Variants in LMBR1 observed in about 807,000 individuals in gnomAD.
LMBR1 encodes the protein limb development membrane protein 1.
In LMBR1, 52 loss-of-function variants were observed where a neutral mutation model predicts 73.9. The ratio of observed to expected loss-of-function variants is 0.70; its 90% confidence interval spans 0.56 to 0.89. LMBR1 has a LOEUF of 0.89. Ranked by LOEUF, LMBR1 falls within the 40% of genes least tolerant of loss-of-function variation. LMBR1 has a pLI of 0.00. For synonymous variants in LMBR1, 215 were observed against 209.4 expected, an observed-to-expected ratio of 1.03 and a Z score of -0.23; for missense variants, 539 against 579.8, an observed-to-expected ratio of 0.93 and a Z score of 0.72.
At chr7:156,765,058 A>G (rs1399904980) in intron 5 of LMBR1, among the ~76,000 whole-genome samples, 1 of 152,214 alleles carries the variant, frequency 6.6e-6, no homozygotes, top group Non-Finnish European at 1.5e-5. Flanking sequence ...ATGAGATCTC[A>G]TAGTAAGTAG....
At chr7:156,687,058 T>G (rs1402748728) in intron 16 of LMBR1, among the ~76,000 whole-genome samples, 1 of 152,226 alleles carries the variant, frequency 6.6e-6, no homozygotes, top group African/African-American at 2.4e-5. Flanking sequence ...TGAAATCTTT[T>G]GTGCCTCCCA....
chr7:156,694,289 T>C (rs146633300), intron 15 of LMBR1, among the ~76,000 whole-genome samples: 93 of 152,214 alleles, frequency 6.1e-4, no homozygotes, highest in African/African-American at 2.1e-3. Context: ...CATGCCACCA[T>C]GCCAGGCTAA....
intron 1 of LMBR1, among the ~76,000 whole-genome samples, chr7:156,837,258 G>A (rs569324398): frequency 6.6e-6 from 1 of 150,646 alleles, no homozygotes; most frequent in African/African-American, 2.4e-5. Context: ...TCTCTTCAAC[G>A]CAGGAGGCGG....
intron 15 of LMBR1, among the ~76,000 whole-genome samples, chr7:156,690,081 G>A (rs1452309041): frequency 6.6e-6 from 1 of 152,126 alleles, no homozygotes; most frequent in Non-Finnish European, 1.5e-5. Context: ...ACTGACGGAG[G>A]ACACGGGAGA....
chr7:156,698,839 T>G (rs930105695), intron 15 of LMBR1, among the ~76,000 whole-genome samples: 3 of 152,234 alleles, frequency 2.0e-5, no homozygotes, highest in Non-Finnish European at 4.4e-5. Context: ...TCCTCATTAC[T>G]TATGCAAACT....
At chr7:156,727,641 AGG>A (rs1322397003) in intron 12 of LMBR1, among the ~76,000 whole-genome samples, 1 of 152,184 alleles carries the variant, frequency 6.6e-6, no homozygotes, top group African/African-American at 2.4e-5. Context: ...CTATGGCTAA[AGG>A]AATTTCATAT....
intron 9 of LMBR1, among the ~76,000 whole-genome samples, chr7:156,739,879 C>T (rs1281390463): frequency 6.6e-6 from 1 of 152,106 alleles, no homozygotes; most frequent in Non-Finnish European, 1.5e-5. Context: ...TCCAGGAAAA[C>T]ATGACCTCAC....
intron 1 of LMBR1, 30 bp downstream of exon 1, chr7:156,892,897 GA>G: frequency 1.4e-6 from 2 of 1,435,108 alleles, no homozygotes; most frequent in Non-Finnish European, 9.2e-7. Context: ...GGGCACGCGG[GA>G]CTGTCAGGGC....
chr7:156,869,745 A>T (rs970208710), intron 1 of LMBR1, among the ~76,000 whole-genome samples: 4 of 152,250 alleles, frequency 2.6e-5, no homozygotes, highest in African/African-American at 9.6e-5. Flanking sequence ...ACTATATGCT[A>T]TTACAAGAAA....
At chr7:156,798,057 GA>G (rs1366576122) in intron 4 of LMBR1, among the ~76,000 whole-genome samples, 1 of 151,978 alleles carries the variant, frequency 6.6e-6, no homozygotes, top group African/African-American at 2.4e-5. Flanking sequence ...CTAATTACTG[GA>G]AGAGCATACA....
chr7:156,705,466 G>A (rs1810713036), intron 15 of LMBR1, among the ~76,000 whole-genome samples: 1 of 152,194 alleles, frequency 6.6e-6, no homozygotes. Flanking sequence ...GGCTGAGGTG[G>A]AAGGACTGTT....
intron 1 of LMBR1, among the ~76,000 whole-genome samples, chr7:156,866,523 CCT>C (rs1297952761): frequency 2.0e-5 from 3 of 150,912 alleles, no homozygotes; most frequent in Non-Finnish European, 4.4e-5. Context: ...TGCAATAAAC[CCT>C]GTTACAGATG....
chr7:156,714,076 G>A (rs1239165574), intron 15 of LMBR1, among the ~76,000 whole-genome samples: 2 of 152,182 alleles, frequency 1.3e-5, no homozygotes, highest in Non-Finnish European at 2.9e-5. Flanking sequence ...AATATTTCCA[G>A]TATGGCCAAA....
chr7:156,687,447 G>A (rs948487063), intron 16 of LMBR1, among the ~76,000 whole-genome samples: 6 of 152,108 alleles, frequency 3.9e-5, no homozygotes, highest in South Asian at 2.1e-4. Flanking sequence ...CATAGGTTAC[G>A]TTTGTACCCT....
At chr7:156,696,754 G>A (rs1360063735) in intron 15 of LMBR1, among the ~76,000 whole-genome samples, 3 of 152,144 alleles carry the variant, frequency 2.0e-5, no homozygotes, top group Non-Finnish European at 2.9e-5. Flanking sequence ...AAATTTGGGT[G>A]GGGACACAAC....
At chr7:156,798,278 G>C (rs1830383794) in intron 4 of LMBR1, among the ~76,000 whole-genome samples, 1 of 151,402 alleles carries the variant, frequency 6.6e-6, no homozygotes, top group Non-Finnish European at 1.5e-5. Flanking sequence ...ATTAATTTTT[G>C]CTTTTAAGTT....
At chr7:156,807,915 G>C (rs1327864340) in intron 4 of LMBR1, among the ~76,000 whole-genome samples, 1 of 151,906 alleles carries the variant, frequency 6.6e-6, no homozygotes, top group Non-Finnish European at 1.5e-5. Context: ...AATACTCAGG[G>C]ATCTTCTAGA....
At chr7:156,775,205 G>A (rs117276956) in intron 5 of LMBR1, among the ~76,000 whole-genome samples, 1 of 151,546 alleles carries the variant, frequency 6.6e-6, no homozygotes, top group Admixed American at 6.6e-5. Context: ...CCATCTCTAC[G>A]GAAAATTCAA....
At chr7:156,807,240 T>C (rs1832301548) in intron 4 of LMBR1, among the ~76,000 whole-genome samples, 1 of 152,230 alleles carries the variant, frequency 6.6e-6, no homozygotes, top group African/African-American at 2.4e-5. Flanking sequence ...AATGCTGACC[T>C]CAGTGAATTA....
Sources: allele counts gnomAD v4.1 joint callset (sites outside exome capture counted in the v4.1 genomes callset), GRCh38; gene constraint gnomAD v4.1.1; transcripts MANE v1.5; gene names NCBI Gene and HGNC (gene_info 2026-07-23, HGNC 2026-07-21).